The following SYNPR variants were observed in gnomAD, a reference collection of about 807,000 sequenced individuals.
The protein encoded by SYNPR is synaptoporin.
Under a neutral mutation model 32.9 loss-of-function variants are expected in SYNPR, and 23 were observed. The observed-to-expected ratio is 0.70, with a 90% CI of 0.50 to 0.99. SYNPR has a LOEUF of 0.99. SYNPR is among the 50% of genes least tolerant of loss of function. SYNPR has a pLI of 0.00. For missense variants in SYNPR, 318 were observed against 349.3 expected (o/e 0.91, Z 0.71); for synonymous variants, 146 against 135.9 (o/e 1.07, Z -0.52).
chr3:63,582,782 C>A (rs979414667), intron 4 of SYNPR, among the ~76,000 whole-genome samples: 1 of 152,086 alleles, frequency 6.6e-6, no homozygotes, highest in Admixed American at 6.6e-5. Flanking sequence ...CCGGTTCTAC[C>A]ACTTACTAGC....
At chr3:63,439,436 A>G (rs759558480) in intron 2 of SYNPR, among the ~76,000 whole-genome samples, 24 of 152,204 alleles carry the variant, frequency 1.6e-4, no homozygotes, top group Non-Finnish European at 2.9e-4. Context: ...TTCCAATTCT[A>G]TGATAGAGAG....
intron 4 of SYNPR, among the ~76,000 whole-genome samples, chr3:63,559,373 C>T (rs571917988): frequency 6.6e-6 from 1 of 152,282 alleles, no homozygotes; most frequent in East Asian, 1.9e-4. Flanking sequence ...CCACCATGCC[C>T]AGCCTAATAC....
chr3:63,537,803 G>A (rs954242845), intron 3 of SYNPR, among the ~76,000 whole-genome samples: 1 of 152,084 alleles, frequency 6.6e-6, no homozygotes, highest in Admixed American at 6.6e-5. Flanking sequence ...GAGCTTTTAA[G>A]TCAGTCCTCA....
At chr3:63,290,915 G>A (rs1332669939) in intron 2 of SYNPR, among the ~76,000 whole-genome samples, 1 of 152,148 alleles carries the variant, frequency 6.6e-6, no homozygotes, top group African/African-American at 2.4e-5. Context: ...TACACCTGAT[G>A]GACAGTTGGC....
rs1019334996 is a variant in SYNPR, at chr3:63,546,904, G to C, written c.210-9639G>C. On this transcript the variant is annotated intron_variant, in intron 3 of 5. Coordinates refer to ENST00000478300, the MANE Select transcript of SYNPR (RefSeq NM_001130003.2). ...TGTTGCAAGCCTTGGAGATGAAACT[G>C]TTTTTGATTCAACCAAGGTTAGGAA... Among the ~76,000 whole-genome samples, 8 of 152,198 alleles carry C rather than the reference G, an allele frequency of 5.3e-5. 1 individual carries two copies. In the Middle Eastern group the frequency reaches 0.01, roughly 194 times the overall value.
At chr3:63,222,437 T>G in the SYNPR span, among the ~76,000 whole-genome samples, 212 of 152,234 alleles carry the variant, frequency 1.4e-3, 2 homozygotes, top group Non-Finnish European at 4.4e-4. Context: ...TCACTCAAAG[T>G]GTAATGGGGA....
intron 2 of SYNPR, among the ~76,000 whole-genome samples, chr3:63,476,674 C>T (rs897702895): frequency 7.9e-5 from 12 of 152,124 alleles, no homozygotes; most frequent in Non-Finnish European, 1.6e-4. Flanking sequence ...GACCCAGGAT[C>T]CTACTTTCAA....
chr3:63,522,209 A>C (rs2106774344), intron 3 of SYNPR, among the ~76,000 whole-genome samples: 1 of 152,332 alleles, frequency 6.6e-6, no homozygotes, highest in South Asian at 2.1e-4. Context: ...ATTGCTCTCA[A>C]AAAAAGGGCT....
intron 2 of SYNPR, among the ~76,000 whole-genome samples, chr3:63,342,698 A>AT (rs1275231192): frequency 2.6e-5 from 4 of 152,180 alleles, no homozygotes; most frequent in African/African-American, 9.6e-5. Flanking sequence ...GATGGTAATT[A>AT]TTTTTTAAAT....
intron 3 of SYNPR, among the ~76,000 whole-genome samples, chr3:63,544,578 T>G (rs1246427008): frequency 6.6e-6 from 1 of 152,118 alleles, no homozygotes; most frequent in Non-Finnish European, 1.5e-5. Context: ...GTGAAGCCAG[T>G]TATTACATGA....
intron 2 of SYNPR, among the ~76,000 whole-genome samples, chr3:63,432,680 G>A (rs1700014958): frequency 6.6e-6 from 1 of 152,198 alleles, no homozygotes; most frequent in Admixed American, 6.5e-5. Context: ...GAGAGGGAGA[G>A]ATGGTCCTGA....
intron 2 of SYNPR, among the ~76,000 whole-genome samples, chr3:63,361,410 T>C (rs546101816): frequency 2.7e-4 from 41 of 151,928 alleles, no homozygotes; most frequent in African/African-American, 8.9e-4. Flanking sequence ...ACAAGGTACA[T>C]GGTGAAACCC....
intron 3 of SYNPR, among the ~76,000 whole-genome samples, chr3:63,518,907 CAA>C (rs917922518): frequency 5.3e-5 from 8 of 152,256 alleles, no homozygotes; most frequent in African/African-American, 1.9e-4. Flanking sequence ...TTCAAAATAG[CAA>C]AGATATGGAG....
chr3:63,490,035 G>A (rs1057061141), intron 3 of SYNPR, among the ~76,000 whole-genome samples: 3 of 152,200 alleles, frequency 2.0e-5, no homozygotes, highest in Non-Finnish European at 2.9e-5. Context: ...AATTAGGAAG[G>A]TTAAGGGATA....
intron 4 of SYNPR, 82 bp downstream of exon 4, chr3:63,556,823 T>TAACCC: frequency 7.5e-7 from 1 of 1,332,366 alleles, no homozygotes; most frequent in Non-Finnish European, 1.0e-6. Context: ...TGGAGTTACC[T>TAACCC]GAGCCCTCGG....
chr3:63,243,154 G>C (rs1036244358), intron 1 of SYNPR, among the ~76,000 whole-genome samples: 9 of 151,876 alleles, frequency 5.9e-5, no homozygotes, highest in African/African-American at 2.2e-4. Flanking sequence ...AATGTTAGAA[G>C]AGAAAATAAT....
intron 4 of SYNPR, among the ~76,000 whole-genome samples, chr3:63,595,874 ATTTTATATATATATAG>A (rs1699948870): frequency 2.0e-5 from 1 of 50,320 alleles, no homozygotes; most frequent in African/African-American, 7.0e-5. Flanking sequence ...TATATATATA[ATTTTATATATATATAG>A]TTTTATATAT....
chr3:63,530,090 C>T (rs1702084001), intron 3 of SYNPR, among the ~76,000 whole-genome samples: 1 of 152,134 alleles, frequency 6.6e-6, no homozygotes, highest in African/African-American at 2.4e-5. Context: ...TGAGTATTCC[C>T]ATGACCAAGG....
chr3:63,598,906 T>G (rs1418566669), intron 4 of SYNPR, among the ~76,000 whole-genome samples: 1 of 152,232 alleles, frequency 6.6e-6, no homozygotes, highest in African/African-American at 2.4e-5. Context: ...GGATCATATT[T>G]GTAAACAATT....
Sources: allele counts gnomAD v4.1 joint callset (sites outside exome capture counted in the v4.1 genomes callset), GRCh38; gene constraint gnomAD v4.1.1; transcripts MANE v1.5; gene names NCBI Gene and HGNC (gene_info 2026-07-23, HGNC 2026-07-21).